Variants in FBXL7 observed in about 807,000 individuals in gnomAD.
The protein encoded by FBXL7 is F-box/LRR-repeat protein 7.
FBXL7 carries 12 observed loss-of-function variants against 38.3 expected under a neutral mutation model. The observed-to-expected ratio is 0.31, with a 90% CI of 0.20 to 0.51. The LOEUF is 0.51. Among genes scored for constraint, FBXL7 ranks in the 20% least tolerant of loss-of-function variants. The pLI, the probability that FBXL7 is intolerant of heterozygous loss-of-function variation, is 0.98. For missense variants in FBXL7, 567 were observed against 676.4 expected, an observed-to-expected ratio of 0.84 and a Z score of 1.79; for synonymous variants, 297 against 300.9, an observed-to-expected ratio of 0.99 and a Z score of 0.13.
chr5:15,787,146 G>C (rs1044576193), intron 2 of FBXL7, among the ~76,000 whole-genome samples: 5 of 152,126 alleles, frequency 3.3e-5, no homozygotes, highest in Non-Finnish European at 7.4e-5. Flanking sequence ...CAGACTTCCG[G>C]CCCCCGGAAA....
intron 2 of FBXL7, among the ~76,000 whole-genome samples, chr5:15,785,833 G>A (rs188032214): frequency 5.3e-5 from 8 of 152,344 alleles, no homozygotes; most frequent in East Asian, 3.9e-4. Flanking sequence ...CATCTGGCAC[G>A]CATTGTGCCT....
chr5:15,937,995 G>C lies in FBXL7; in HGVS notation c.*809G>C, dbSNP rs1046175785. The C allele has an allele frequency of 2.6e-5, 4 of 152,256 alleles. No individual in the cohort carries two copies. Among genetic ancestry groups the C allele is most frequent in the Non-Finnish European group, 5.9e-5 (4 of 68,120 alleles). The allele number at this position is 152,256 out of a possible 1,614,324, so 9.4% of individuals were successfully genotyped here. A position where few individuals can be genotyped will look rare whatever the true frequency, so the allele number is the denominator to read the frequency against. ...CTCTTCCAGGAGAACTGATTCTGTG[G>C]ATGGATGTGATTTCAGGAGATTGTG... On this transcript the variant is annotated 3_prime_UTR_variant, in exon 4 of 4. Transcript: ENST00000504595.
At chr5:15,587,058 C>T (rs927469400) in intron 1 of FBXL7, among the ~76,000 whole-genome samples, 5 of 152,152 alleles carry the variant, frequency 3.3e-5, no homozygotes, top group African/African-American at 1.2e-4. Flanking sequence ...CTCAGTGGCC[C>T]GTTCATTACT....
intron 2 of FBXL7, among the ~76,000 whole-genome samples, chr5:15,635,170 G>A (rs1273219903): frequency 6.6e-6 from 1 of 152,088 alleles, no homozygotes; most frequent in African/African-American, 2.4e-5. Flanking sequence ...GCTGCTTGTG[G>A]CATGACTGAG....
intron 2 of FBXL7, among the ~76,000 whole-genome samples, chr5:15,847,370 C>T (rs563718293): frequency 6.6e-5 from 10 of 152,228 alleles, no homozygotes; most frequent in Admixed American, 6.5e-4. Context: ...CTCATGAGAA[C>T]TCATCCACTA....
intron 2 of FBXL7, among the ~76,000 whole-genome samples, chr5:15,739,871 C>T (rs1421849921): frequency 6.6e-6 from 1 of 151,996 alleles, no homozygotes; most frequent in Non-Finnish European, 1.5e-5. Flanking sequence ...CCTATGTTTT[C>T]ATTTCTCTTA....
intron 2 of FBXL7, among the ~76,000 whole-genome samples, chr5:15,675,979 C>G (rs1356210624): frequency 6.6e-6 from 1 of 152,204 alleles, no homozygotes; most frequent in African/African-American, 2.4e-5. Context: ...AGAGTTCTCA[C>G]TGCTTTCAAC....
chr5:15,859,093 A>G (rs1274292762), intron 2 of FBXL7, among the ~76,000 whole-genome samples: 6 of 152,122 alleles, frequency 3.9e-5, no homozygotes, highest in Non-Finnish European at 4.4e-5. Context: ...AAGCCATCCA[A>G]TTGTCTGTGC....
intron 2 of FBXL7, among the ~76,000 whole-genome samples, chr5:15,779,488 TA>T (rs1352060322): frequency 6.6e-6 from 1 of 152,044 alleles, no homozygotes; most frequent in Non-Finnish European, 1.5e-5. Flanking sequence ...TGAAATTTTT[TA>T]AAAAGCTATC....
intron 2 of FBXL7, among the ~76,000 whole-genome samples, chr5:15,863,038 A>C (rs1739543258): frequency 6.6e-6 from 1 of 152,172 alleles, no homozygotes; most frequent in Non-Finnish European, 1.5e-5. Context: ...TGTACACTGC[A>C]CAGGGGTATC....
intron 2 of FBXL7, among the ~76,000 whole-genome samples, chr5:15,653,303 TA>T (rs1185279934): frequency 4.6e-5 from 7 of 152,320 alleles, no homozygotes; most frequent in Non-Finnish European, 8.8e-5. Context: ...CTTCAATTTG[TA>T]AAGAATGCAG....
chr5:15,532,583 C>A (rs1394909482), intron 1 of FBXL7, among the ~76,000 whole-genome samples: 1 of 152,210 alleles, frequency 6.6e-6, no homozygotes, highest in East Asian at 1.9e-4. Flanking sequence ...ACTTTACTGA[C>A]CAACTGGGAC....
At chr5:15,565,833 A>G (rs1738556770) in intron 1 of FBXL7, among the ~76,000 whole-genome samples, 1 of 152,118 alleles carries the variant, frequency 6.6e-6, no homozygotes, top group Admixed American at 6.6e-5. Context: ...TTTTTCTTCT[A>G]TTCCGGCCTT....
At chr5:15,516,862 C>A (rs766549765) in intron 1 of FBXL7, among the ~76,000 whole-genome samples, 1 of 152,080 alleles carries the variant, frequency 6.6e-6, no homozygotes, top group African/African-American at 2.4e-5. Flanking sequence ...CCCCTTCTGC[C>A]GTGATTGTGC....
intron 1 of FBXL7, among the ~76,000 whole-genome samples, chr5:15,519,029 G>A (rs1186409338): frequency 6.6e-6 from 1 of 152,098 alleles, no homozygotes; most frequent in East Asian, 1.9e-4. Flanking sequence ...CAACTTCAGA[G>A]CCAACCAGCA....
intron 1 of FBXL7, among the ~76,000 whole-genome samples, chr5:15,534,135 G>C (rs950686498): frequency 6.6e-6 from 1 of 152,122 alleles, no homozygotes; most frequent in African/African-American, 2.4e-5. Context: ...CCCCACCAGA[G>C]TGGTATGTTT....
At chr5:15,875,851 T>C (rs1387789174) in intron 2 of FBXL7, among the ~76,000 whole-genome samples, 1 of 152,214 alleles carries the variant, frequency 6.6e-6, no homozygotes, top group Non-Finnish European at 1.5e-5. Flanking sequence ...TGGCAATTTC[T>C]TAAGGATCTA....
intron 2 of FBXL7, among the ~76,000 whole-genome samples, chr5:15,835,912 CT>C (rs1738580541): frequency 6.6e-6 from 1 of 152,156 alleles, no homozygotes; most frequent in South Asian, 2.1e-4. Flanking sequence ...ATTTTATGAT[CT>C]GCAGGAAGCT....
At chr5:15,568,990 T>C (rs1437989549) in intron 1 of FBXL7, among the ~76,000 whole-genome samples, 1 of 152,236 alleles carries the variant, frequency 6.6e-6, no homozygotes, top group Non-Finnish European at 1.5e-5. Flanking sequence ...TTTGTTACTA[T>C]AGCCTTGTAG....
Sources: gnomAD v4.1 joint callset for allele counts (sites outside exome capture counted in the v4.1 genomes callset) on GRCh38, gnomAD v4.1.1 for gene constraint, MANE v1.5 for transcripts, NCBI Gene and HGNC (gene_info 2026-07-23, HGNC 2026-07-21) for gene names.